Variants in SUPT3H observed in about 807,000 individuals in gnomAD.
SUPT3H encodes the protein SPT3 homolog, SAGA and STAGA complex component.
SUPT3H carries 44 observed loss-of-function variants against 44.3 expected under a neutral mutation model. The ratio of observed to expected loss-of-function variants is 0.99; its 90% confidence interval spans 0.78 to 1.28. The LOEUF (loss-of-function observed/expected upper bound fraction) is 1.28, where lower values mean the gene tolerates loss of function less well. Among genes scored for constraint, SUPT3H ranks in the 50% most tolerant of loss-of-function variants. SUPT3H has a pLI of 0.00. For synonymous variants in SUPT3H, 124 were observed against 125.6 expected, an observed-to-expected ratio of 0.99 and a Z score of 0.09; for missense variants, 380 against 387.1, an observed-to-expected ratio of 0.98 and a Z score of 0.15.
intron 2 of SUPT3H, among the ~76,000 whole-genome samples, chr6:45,317,348 C>T (rs906699341): frequency 1.3e-5 from 2 of 151,032 alleles, no homozygotes; most frequent in Admixed American, 1.3e-4. Flanking sequence ...AAAAAAAATC[C>T]TAAAATTCAT....
chr6:45,239,502 AG>A (rs1227347245), intron 2 of SUPT3H, among the ~76,000 whole-genome samples: 1 of 152,214 alleles, frequency 6.6e-6, no homozygotes, highest in Non-Finnish European at 1.5e-5. Context: ...TTACAGGAGG[AG>A]TTAATCCTCG....
chr6:45,302,774 A>G (rs986034668), intron 2 of SUPT3H, among the ~76,000 whole-genome samples: 1 of 152,108 alleles, frequency 6.6e-6, no homozygotes, highest in Non-Finnish European at 1.5e-5. Context: ...ACTGTTTTCC[A>G]AAGTGGTTGT....
At chr6:44,977,133 A>C (rs970217696) in intron 6 of SUPT3H, among the ~76,000 whole-genome samples, 3 of 152,240 alleles carry the variant, frequency 2.0e-5, no homozygotes, top group Admixed American at 2.0e-4. Flanking sequence ...GAATGATTAC[A>C]AAGAAAGATG....
chr6:44,893,600 T>A (rs1431731246), intron 10 of SUPT3H, among the ~76,000 whole-genome samples: 4 of 152,166 alleles, frequency 2.6e-5, no homozygotes, highest in Admixed American at 2.6e-4. Context: ...ATGTGCCACA[T>A]TTTCTTAATC....
At chr6:44,928,886 A>ATAAATAAATAAATAAAT (rs1474494728) in intron 10 of SUPT3H, among the ~76,000 whole-genome samples, 4 of 122,654 alleles carry the variant, frequency 3.3e-5, no homozygotes, top group Admixed American at 1.6e-4. Flanking sequence ...CCGTCTCAAA[A>ATAAATAAATAAATAAAT]AAAAAAAAAA....
chr6:45,234,694 C>G (rs1011983543), intron 2 of SUPT3H, among the ~76,000 whole-genome samples: 2 of 152,124 alleles, frequency 1.3e-5, no homozygotes, highest in Non-Finnish European at 2.9e-5. Flanking sequence ...ACCCTTATAG[C>G]ATGCCAACTT....
intron 2 of SUPT3H, chr6:45,361,505 A>G (rs1794255572): frequency 1.3e-5 from 2 of 152,192 alleles, no homozygotes; most frequent in Admixed American, 1.3e-4. Flanking sequence ...TAAATTAATT[A>G]AAATTCTTAA....
intron 1 of SUPT3H, among the ~76,000 whole-genome samples, chr6:45,371,318 T>TG (rs1385260423): frequency 6.6e-6 from 1 of 151,896 alleles, no homozygotes; most frequent in East Asian, 1.9e-4. Context: ...GAAAAAGGAC[T>TG]GGGGGATTTA....
At chr6:44,843,633 T>C (rs1056736353) in intron 10 of SUPT3H, among the ~76,000 whole-genome samples, 1 of 151,972 alleles carries the variant, frequency 6.6e-6, no homozygotes, top group Non-Finnish European at 1.5e-5. Context: ...TAAAATGGCA[T>C]AAAAACATAA....
intron 2 of SUPT3H, among the ~76,000 whole-genome samples, chr6:45,253,212 G>T (rs1443901612): frequency 6.6e-6 from 1 of 151,984 alleles, no homozygotes; most frequent in African/African-American, 2.4e-5. Flanking sequence ...AATATACAAA[G>T]ATTTCTTATA....
At chr6:45,127,035 G>A (rs1802543870) in intron 2 of SUPT3H, among the ~76,000 whole-genome samples, 1 of 152,138 alleles carries the variant, frequency 6.6e-6, no homozygotes, top group Non-Finnish European at 1.5e-5. Flanking sequence ...ATAACTATGG[G>A]CTGGGCACAG....
At chr6:44,895,799 C>G (rs963427284) in intron 10 of SUPT3H, among the ~76,000 whole-genome samples, 4 of 152,024 alleles carry the variant, frequency 2.6e-5, no homozygotes, top group Admixed American at 2.6e-4. Context: ...AATTATTTTA[C>G]TGCTTTAATA....
chr6:44,957,114 A>C (rs1775330421), intron 7 of SUPT3H, among the ~76,000 whole-genome samples: 1 of 152,196 alleles, frequency 6.6e-6, no homozygotes, highest in South Asian at 2.1e-4. Context: ...GAAATCTGTA[A>C]GATTTTCTTT....
intron 2 of SUPT3H, among the ~76,000 whole-genome samples, chr6:45,138,327 T>A (rs1276732535): frequency 1.3e-5 from 2 of 152,126 alleles, no homozygotes; most frequent in African/African-American, 4.8e-5. Flanking sequence ...ACTTCTCATA[T>A]AACCCACTCC....
chr6:44,984,166 C>T (rs1388645254), intron 6 of SUPT3H, among the ~76,000 whole-genome samples: 6 of 151,998 alleles, frequency 3.9e-5, no homozygotes, highest in Admixed American at 2.0e-4. Flanking sequence ...TGCCTTCTAG[C>T]GATGGTGCCA....
At chr6:45,068,405 T>C (rs1793785554) in intron 3 of SUPT3H, among the ~76,000 whole-genome samples, 1 of 148,756 alleles carries the variant, frequency 6.7e-6, no homozygotes, top group Admixed American at 6.7e-5. Context: ...ATGGCACATG[T>C]ATACATATGT....
intron 9 of SUPT3H, among the ~76,000 whole-genome samples, chr6:44,942,375 T>C (rs1772589864): frequency 1.3e-5 from 2 of 152,132 alleles, no homozygotes; most frequent in Admixed American, 6.6e-5. Context: ...TATGTACTTT[T>C]AGAAGGGAAT....
At chr6:44,859,269 G>A (rs1774230597) in intron 10 of SUPT3H, among the ~76,000 whole-genome samples, 1 of 152,132 alleles carries the variant, frequency 6.6e-6, no homozygotes, top group Non-Finnish European at 1.5e-5. Flanking sequence ...AGCTATGTAA[G>A]GCAAATGCTC....
intron 10 of SUPT3H, among the ~76,000 whole-genome samples, chr6:44,883,537 C>A (rs559579798): frequency 6.6e-6 from 1 of 152,222 alleles, no homozygotes; most frequent in South Asian, 2.1e-4. Flanking sequence ...CTTTAAATTT[C>A]ATATGGAATC....
Sources: gnomAD v4.1 joint callset for allele counts (sites outside exome capture counted in the v4.1 genomes callset) on GRCh38, gnomAD v4.1.1 for gene constraint, MANE v1.5 for transcripts, NCBI Gene and HGNC (gene_info 2026-07-23, HGNC 2026-07-21) for gene names.